The following CD8B2 variants were observed in gnomAD, a reference collection of about 807,000 sequenced individuals.
CD8B2 encodes CD8B family member 2.
In CD8B2, 11 loss-of-function variants were observed where a neutral mutation model predicts 23.7. That is an observed-to-expected ratio of 0.46 (90% confidence interval 0.29 to 0.77). The LOEUF (loss-of-function observed/expected upper bound fraction) is 0.77. Among genes scored for constraint, CD8B2 ranks in the 30% least tolerant of loss-of-function variants. The pLI is 0.09. For missense variants in CD8B2, 197 were observed against 270.5 expected, an observed-to-expected ratio of 0.73 and a Z score of 1.91; for synonymous variants, 90 against 109.3, an observed-to-expected ratio of 0.82 and a Z score of 1.10.
At chr2:106,520,974 A>T (rs566592693) in intron 5 of CD8B2, among the ~76,000 whole-genome samples, 4 of 144,056 alleles carry the variant, frequency 2.8e-5, no homozygotes, top group African/African-American at 1.0e-4. Flanking sequence ...TAGGAGAACA[A>T]CTCTCTCTCT....
chr2:106,529,058 C>A (rs994926750), intron 5 of CD8B2, among the ~76,000 whole-genome samples: 1 of 152,134 alleles, frequency 6.6e-6, no homozygotes, highest in Non-Finnish European at 1.5e-5. Context: ...TTCTTGAGGG[C>A]GGCACAGGCA....
intron 2 of CD8B2, among the ~76,000 whole-genome samples, chr2:106,491,603 A>C (rs1206710940): frequency 1.3e-5 from 2 of 152,052 alleles, no homozygotes; most frequent in Non-Finnish European, 2.9e-5. Context: ...GCTGGGGTGC[A>C]GTGGTGCGAT....
At chr2:106,504,110 C>T (rs371797424) in intron 4 of CD8B2, among the ~76,000 whole-genome samples, 179 bp from the exon 5 acceptor site, 9,246 of 152,154 alleles carry the variant, frequency 0.061, 307 homozygotes, top group Middle Eastern at 0.13. Context: ...TAGTATCCAA[C>T]TCAGGTTTTC....
intron 5 of CD8B2, among the ~76,000 whole-genome samples, chr2:106,522,413 TAA>T (rs146945155): frequency 7.8e-4 from 119 of 152,324 alleles, no homozygotes; most frequent in African/African-American, 2.7e-3. Flanking sequence ...TTGTGAAGAA[TAA>T]GTCACCAATT....
At chr2:106,525,791 A>G (rs1284219101) in intron 5 of CD8B2, among the ~76,000 whole-genome samples, 2 of 152,196 alleles carry the variant, frequency 1.3e-5, no homozygotes, top group African/African-American at 4.8e-5. Context: ...TATAGCTTGT[A>G]TCAGTACTCA....
Position 106,508,386 on chromosome 2 carries a change from C to T in CD8B2, c.*1446C>T, listed in dbSNP as rs1326517976. Reference sequence around the variant, plus strand: ...CGACTCTGGGGAAGGGGCAGTGGGACCTTCTCCTGGCATCTGGGGTGCGGC... The same window carrying T: ...CGACTCTGGGGAAGGGGCAGTGGGATCTTCTCCTGGCATCTGGGGTGCGGC... On this transcript the variant is annotated 3_prime_UTR_variant, in exon 6 of 6. Transcript: ENST00000643224. 6.7e-6 allele frequency: 1 copy of T among 149,792 alleles called. No homozygotes were observed. The allele number at this position is 149,792 out of a possible 1,614,324, so 9.3% of individuals were successfully genotyped here.
chr2:106,528,480 G>A (rs1261987963), intron 5 of CD8B2, among the ~76,000 whole-genome samples: 2 of 151,950 alleles, frequency 1.3e-5, no homozygotes, highest in African/African-American at 4.8e-5. Flanking sequence ...TTTTGTATGT[G>A]GTTATTCAGT....
chr2:106,534,563 C>A (rs376516321), intron 5 of CD8B2, among the ~76,000 whole-genome samples: 21 of 152,218 alleles, frequency 1.4e-4, no homozygotes, highest in East Asian at 9.7e-4. Context: ...GATCTGATTG[C>A]TGAACTGGTG....
chr2:106,536,355 A>G lies in CD8B2; in HGVS notation c.621-7637A>G, dbSNP rs146345665. 6.2e-3 allele frequency among the ~76,000 whole-genome samples: 939 copies of G among 152,112 alleles called. 4 individuals are homozygous for G. Among genetic ancestry groups the G allele is most frequent in the Non-Finnish European group, 0.011 (722 of 67,994 alleles). Reference sequence around the variant, plus strand: ...CCACCACACACTTTTAAACAACTAGATCTCCTGAGAACTCTGCTACAAGAA... The same window carrying G: ...CCACCACACACTTTTAAACAACTAGGTCTCCTGAGAACTCTGCTACAAGAA... On this transcript the variant is annotated intron_variant, in intron 5 of 5. Transcript: ENST00000416057.
intron 2 of CD8B2, among the ~76,000 whole-genome samples, chr2:106,493,871 G>A (rs1205344672): frequency 6.6e-6 from 1 of 152,154 alleles, no homozygotes; most frequent in African/African-American, 2.4e-5. Flanking sequence ...TGGATAAAAT[G>A]GGGACAACAG....
intron 3 of CD8B2, among the ~76,000 whole-genome samples, chr2:106,496,961 A>G (rs926666547): frequency 2.6e-5 from 4 of 152,250 alleles, no homozygotes; most frequent in Admixed American, 1.3e-4. Flanking sequence ...AAATCCACTC[A>G]AAGGACCAGC....
At position 106,542,569 on chromosome 2, in the gene CD8B2, T is replaced by G. The variant is rs189942849; in HGVS notation, c.621-1423T>G. Among the ~76,000 whole-genome samples, 334 of 150,906 alleles carry G rather than the reference T, an allele frequency of 2.2e-3. 1 individual carries two copies. Among genetic ancestry groups the G allele is most frequent in the African/African-American group, 7.6e-3 (313 of 41,304 alleles). ...AATACATGCCTATTAAAGACAACTTTGGGTAGACCAGAAGGATGTAAAGAA... is the reference window on the plus strand; with the variant it reads ...AATACATGCCTATTAAAGACAACTTGGGGTAGACCAGAAGGATGTAAAGAA... On this transcript the variant is annotated intron_variant, in intron 5 of 5. Coordinates refer to the CD8B2 transcript ENST00000416057.
intron 5 of CD8B2, among the ~76,000 whole-genome samples, chr2:106,519,990 A>T (rs891900769): frequency 5.3e-5 from 8 of 152,108 alleles, no homozygotes; most frequent in African/African-American, 1.9e-4. Context: ...CCATCACCTC[A>T]GGAAAGCCCT....
At chr2:106,537,949 G>C (rs1680114744) in intron 5 of CD8B2, 1 of 152,182 alleles carries the variant, frequency 6.6e-6, no homozygotes, top group Non-Finnish European at 1.5e-5. Flanking sequence ...AAATAAATGA[G>C]AAGTCTCTGT....
downstream of CD8B2, among the ~76,000 whole-genome samples, chr2:106,512,299 AC>A (rs1371207198): frequency 6.6e-6 from 1 of 151,664 alleles, no homozygotes; most frequent in East Asian, 1.9e-4. Flanking sequence ...CTGGTCTTGA[AC>A]TCCTGGGCTC....
At chr2:106,492,615 A>G (rs1679216861) in intron 2 of CD8B2, among the ~76,000 whole-genome samples, 1 of 152,148 alleles carries the variant, frequency 6.6e-6, no homozygotes, top group Non-Finnish European at 1.5e-5. Flanking sequence ...CCCCACCTCC[A>G]GCTTGGCCCA....
intron 5 of CD8B2, among the ~76,000 whole-genome samples, chr2:106,534,979 G>T (rs1255080182): frequency 6.6e-6 from 1 of 151,840 alleles, no homozygotes; most frequent in African/African-American, 2.4e-5. Flanking sequence ...GTGCCACCTT[G>T]CCCGGCTAAT....
At chr2:106,540,141 A>G (rs1680149281) in intron 5 of CD8B2, among the ~76,000 whole-genome samples, 1 of 152,210 alleles carries the variant, frequency 6.6e-6, no homozygotes, top group South Asian at 2.1e-4. Context: ...GACAGCTTCA[A>G]TGATCAAAGA....
At chr2:106,500,553 TAAATAAA>T (rs2104556067) in intron 3 of CD8B2, among the ~76,000 whole-genome samples, 1 of 150,988 alleles carries the variant, frequency 6.6e-6, no homozygotes, top group African/African-American at 2.4e-5. Context: ...AATAAATAAA[TAAATAAA>T]TAATTAAAAA....
Sources: allele counts gnomAD v4.1 joint callset (sites outside exome capture counted in the v4.1 genomes callset), GRCh38; gene constraint gnomAD v4.1.1; transcripts MANE v1.5; gene names NCBI Gene and HGNC (gene_info 2026-07-23, HGNC 2026-07-21).